The following ORC3 variants were observed in gnomAD, a reference collection of about 807,000 sequenced individuals.
The protein encoded by ORC3 is homolog of latheo, Drosophila.
In ORC3, 78 loss-of-function variants were observed where a neutral mutation model predicts 100.7. The ratio of observed to expected loss-of-function variants is 0.77; its 90% CI spans 0.65 to 0.94. The LOEUF is 0.94. ORC3 is among the 40% of genes least tolerant of loss of function. The probability of loss-of-function intolerance (pLI) is 0.00; values close to 1 mark genes in which losing one functional copy is unlikely to be tolerated. For missense variants in ORC3, 789 were observed against 823.9 expected (o/e 0.96, Z 0.52); for synonymous variants, 295 against 289.3 (o/e 1.02, Z -0.20).
chr6:87,594,535 T>C, intron 2 of ORC3, 128 bp downstream of exon 2: 2 of 1,363,832 alleles, frequency 1.5e-6, no homozygotes, highest in Non-Finnish European at 1.9e-6. Context: ...AGCATTTATG[T>C]TCCAAGGCAT....
chr6:87,631,423 A>G (rs1348944522), intron 11 of ORC3, among the ~76,000 whole-genome samples: 1 of 152,164 alleles, frequency 6.6e-6, no homozygotes, highest in African/African-American at 2.4e-5. Flanking sequence ...TAACATATGG[A>G]AAGTAGGGTT....
At chr6:87,676,600 C>CACACACACACACACACACACAT in the ORC3 span, among the ~76,000 whole-genome samples, 3 of 27,568 alleles carry the variant, frequency 1.1e-4, no homozygotes, top group South Asian at 4.9e-3. Context: ...ACTAAAAACA[C>CACACACACACACACACACACAT]ACACACACAC....
At position 87,644,079 on chromosome 6, in the gene ORC3, C is replaced by CTTTTTTTTTTT. The variant is rs1156943778; in HGVS notation, c.1382+7614_1382+7624dup. On this transcript the variant is annotated intron_variant, in intron 13 of 19. Coordinates refer to ENST00000392844, the MANE Select transcript of ORC3 (RefSeq NM_012381.4). ...CCACAGATACAGATGGCTGACTGTCCTTTTTTTTTTTTTTTTTTTTTTTTT... is the reference window on the plus strand; with the variant it reads ...CCACAGATACAGATGGCTGACTGTCCTTTTTTTTTTTTTTTTTTTTTTTTTTTTTTTTTTTT... Among the ~76,000 whole-genome samples the CTTTTTTTTTTT allele has an allele frequency of 1.4e-3, 72 of 51,410 alleles. 7 individuals are homozygous for CTTTTTTTTTTT. Among genetic ancestry groups the CTTTTTTTTTTT allele is most frequent in the African/African-American group, 4.1e-3 (43 of 10,514 alleles). The allele number at this position is 51,410 out of a possible 152,430, so 33.7% of individuals were successfully genotyped here.
chr6:87,598,494 A>G (rs1777630247), intron 2 of ORC3, among the ~76,000 whole-genome samples: 1 of 152,262 alleles, frequency 6.6e-6, no homozygotes, highest in South Asian at 2.1e-4. Flanking sequence ...TGATTTAACC[A>G]TAGCTTAATA....
At chr6:87,600,545 A>G (rs966794740) in intron 2 of ORC3, among the ~76,000 whole-genome samples, 7 of 152,330 alleles carry the variant, frequency 4.6e-5, no homozygotes, top group African/African-American at 1.7e-4. Context: ...TGGGAGGAAG[A>G]CCTAAATGTA....
intron 8 of ORC3, among the ~76,000 whole-genome samples, chr6:87,614,789 C>T (rs894776989): frequency 1.3e-5 from 2 of 152,202 alleles, no homozygotes; most frequent in Admixed American, 1.3e-4. Flanking sequence ...CTGAGACCCC[C>T]TCAGCCTGTT....
At chr6:87,646,284 C>A (rs1768783664) in intron 13 of ORC3, among the ~76,000 whole-genome samples, 1 of 152,020 alleles carries the variant, frequency 6.6e-6, no homozygotes, top group Non-Finnish European at 1.5e-5. Flanking sequence ...CCGTGCTCTG[C>A]CAATTGTGAA....
At chr6:87,675,704 T>C in the ORC3 span, 1 of 1,521,136 alleles carries the variant, frequency 6.6e-7, no homozygotes, top group East Asian at 2.3e-5. Flanking sequence ...GGTATTTAAG[T>C]AACCAAAAGA....
At chr6:87,636,634 A>T in intron 13 of ORC3, 148 bp downstream of exon 13, 1 of 616,280 alleles carries the variant, frequency 1.6e-6, no homozygotes, top group East Asian at 2.7e-5. Flanking sequence ...GAATTTATCC[A>T]TGTAGCTTAT....
intron 9 of ORC3, among the ~76,000 whole-genome samples, chr6:87,618,866 G>A (rs536933413): frequency 3.3e-5 from 5 of 152,126 alleles, no homozygotes; most frequent in African/African-American, 7.2e-5. Flanking sequence ...GGTTAGTACC[G>A]TTTATTAACT....
chr6:87,639,031 A>C (rs1257520084), intron 13 of ORC3, among the ~76,000 whole-genome samples: 2 of 152,068 alleles, frequency 1.3e-5, no homozygotes, highest in Non-Finnish European at 2.9e-5. Context: ...AAATTATTCT[A>C]TGAAATTACT....
chr6:87,635,771 G>T (rs1292061629), intron 12 of ORC3, among the ~76,000 whole-genome samples: 1 of 151,740 alleles, frequency 6.6e-6, no homozygotes, highest in Non-Finnish European at 1.5e-5. Flanking sequence ...CAGCCTGGAT[G>T]ACAGAGTGAG....
At chr6:87,648,624 G>A (rs934427778) in intron 13 of ORC3, among the ~76,000 whole-genome samples, 2 of 152,140 alleles carry the variant, frequency 1.3e-5, no homozygotes, top group African/African-American at 4.8e-5. Context: ...TAAGTTCTCT[G>A]TGCCTTTGTT....
intron 1 of ORC3, among the ~76,000 whole-genome samples, chr6:87,591,807 C>G (rs1209529972): frequency 6.6e-6 from 1 of 152,094 alleles, no homozygotes; most frequent in Non-Finnish European, 1.5e-5. Flanking sequence ...TCTCGGCTCA[C>G]TGCAACCTCC....
intron 2 of ORC3, among the ~76,000 whole-genome samples, chr6:87,597,477 C>T (rs1007697013): frequency 6.6e-6 from 1 of 151,886 alleles, no homozygotes; most frequent in Non-Finnish European, 1.5e-5. Flanking sequence ...TCAAAAGCTC[C>T]CCACAGGGTT....
At chr6:87,627,889 TC>T (rs1392501716) in intron 11 of ORC3, among the ~76,000 whole-genome samples, 1 of 152,156 alleles carries the variant, frequency 6.6e-6, no homozygotes. Context: ...CCCCATCACC[TC>T]ATTTTCTTAA....
chr6:87,621,573 A>G lies in ORC3; in HGVS notation c.1121+86A>G. 3.3e-6 allele frequency: 3 copies of G among 909,996 alleles called. No individual in the cohort carries two copies. In the Middle Eastern group the frequency reaches 7.0e-4, roughly 212 times the overall value. 56.4% of individuals were successfully genotyped at this position (909,996 alleles called of 1,614,324 possible). A position where few individuals can be genotyped will look rare whatever the true frequency, so the allele number is the denominator to read the frequency against. On this transcript the variant is annotated intron_variant, in intron 10 of 19. Coordinates refer to ENST00000392844, the MANE Select transcript of ORC3 (RefSeq NM_012381.4). ...TCTCAGATCCAGTTATTTCTGAAGT[A>G]GGGAAAGAAATAGTAACCTATTCTG...
chr6:87,616,246 A>G (rs1262322833), intron 8 of ORC3, 68 bp from the exon 9 acceptor site: 2 of 609,004 alleles, frequency 3.3e-6, no homozygotes, highest in East Asian at 5.5e-5. Context: ...CTCATTATTA[A>G]TACTTAGTAT....
chr6:87,601,851 G>A lies in ORC3; in HGVS notation c.147G>A (p.Leu49=), dbSNP rs1294384488. 1 of 1,609,718 alleles carries A rather than the reference G, an allele frequency of 6.2e-7. No individual in the cohort carries two copies. The highest frequency in any genetic ancestry group is 1.7e-5 in the Admixed American group (1 of 60,006). ...AGCTTCGATTCGAAACTTATCAGTT[G>A]ATATGGCAGCAGATGAAATCTGAAA... ...DSKLRFETYQ[L]IWQQMKSENE... The change falls in exon 3 of 20, where the codon TTG becomes TTA. Residue 49 remains leucine, a synonymous_variant. Coordinates refer to ENST00000392844, the MANE Select transcript of ORC3 (RefSeq NM_012381.4).
Sources: gnomAD v4.1 joint callset for allele counts (sites outside exome capture counted in the v4.1 genomes callset) on GRCh38, gnomAD v4.1.1 for gene constraint, MANE v1.5 for transcripts, NCBI Gene and HGNC (gene_info 2026-07-23, HGNC 2026-07-21) for gene names.